Variants in LOXHD1 observed in about 807,000 individuals in gnomAD.
LOXHD1 encodes the protein lipoxygenase homology PLAT domains 1.
In LOXHD1, 205 loss-of-function variants were observed where a neutral mutation model predicts 248.2. That is an observed-to-expected ratio of 0.83 (90% CI 0.74 to 0.93). LOXHD1 has a LOEUF of 0.93. Ranked by LOEUF, LOXHD1 falls within the 40% of genes least tolerant of loss-of-function variation. The pLI is 0.00. For synonymous variants in LOXHD1, 1,113 were observed against 1,162.8 expected, an observed-to-expected ratio of 0.96 and a Z score of 0.87; for missense variants, 2,930 against 2,971.6, an observed-to-expected ratio of 0.99 and a Z score of 0.33.
At chr18:46,527,147 A>C (rs748696527) in intron 29 of LOXHD1, among the ~76,000 whole-genome samples, 1 of 152,056 alleles carries the variant, frequency 6.6e-6, no homozygotes, top group Non-Finnish European at 1.5e-5. Context: ...AAAAAAAAAA[A>C]ACGGAATCTG....
intron 18 of LOXHD1, among the ~76,000 whole-genome samples, chr18:46,562,459 C>G (rs1053692884): frequency 6.6e-6 from 1 of 152,240 alleles, no homozygotes; most frequent in Non-Finnish European, 1.5e-5. Context: ...TTGCCAACAC[C>G]ATGCCCACAT....
Position 46,639,604 on chromosome 18 carries a change from C to G in LOXHD1, c.511+12G>C. 1 of 1,548,532 alleles carries G rather than the reference C, an allele frequency of 6.5e-7. No individual in the cohort carries two copies. Among genetic ancestry groups the G allele is most frequent in the Non-Finnish European group, 8.7e-7 (1 of 1,144,964 alleles). On this transcript the variant is annotated intron_variant, in intron 4 of 40. Coordinates refer to ENST00000642948, the MANE Select transcript of LOXHD1 (RefSeq NM_001384474.1). ...AGGGAGGGATGGCAGGCAGGCCAGC[C>G]TAGGCACTGACCTCTGGGCATGTCC...
intron 24 of LOXHD1, 70 bp from the exon 25 acceptor site, chr18:46,542,010 G>T: frequency 7.0e-7 from 1 of 1,431,976 alleles, no homozygotes; most frequent in Non-Finnish European, 9.3e-7. Context: ...GTAACTTCAG[G>T]GACTCCTGAC....
chr18:46,513,013 G>T (rs1386391612), intron 34 of LOXHD1, among the ~76,000 whole-genome samples: 2 of 152,116 alleles, frequency 1.3e-5, no homozygotes, highest in Non-Finnish European at 2.9e-5. Context: ...CATTAGGTAT[G>T]AAATCCAGGT....
chr18:46,618,147 T>C, intron 5 of LOXHD1, 45 bp downstream of exon 5: 1 of 1,437,300 alleles, frequency 7.0e-7, no homozygotes, highest in Non-Finnish European at 9.6e-7. Flanking sequence ...ATCTACAAAA[T>C]AGTCCTGGGC....
intron 28 of LOXHD1, among the ~76,000 whole-genome samples, chr18:46,531,869 T>C (rs2036088193): frequency 6.6e-6 from 1 of 152,210 alleles, no homozygotes; most frequent in South Asian, 2.1e-4. Flanking sequence ...CCAGATTTAA[T>C]AGCAAAGACT....
intron 37 of LOXHD1, among the ~76,000 whole-genome samples, chr18:46,502,703 T>A (rs2034313367): frequency 6.6e-6 from 1 of 152,074 alleles, no homozygotes; most frequent in Non-Finnish European, 1.5e-5. Context: ...TAACACAGCA[T>A]CCTCAGTCTT....
chr18:46,588,241 G>C (rs934228801), intron 12 of LOXHD1, among the ~76,000 whole-genome samples: 2 of 152,036 alleles, frequency 1.3e-5, no homozygotes, highest in Non-Finnish European at 2.9e-5. Flanking sequence ...GGGCCATAAA[G>C]AGCAGTTGAG....
intron 21 of LOXHD1, chr18:46,555,458 G>T (rs1166374476): frequency 2.4e-5 from 4 of 167,010 alleles, no homozygotes; most frequent in East Asian, 1.7e-4. Context: ...GTGAGCTGTG[G>T]TTCAGTGTTC....
At chr18:46,550,300 A>G (rs4890332) in intron 21 of LOXHD1, among the ~76,000 whole-genome samples, 86,811 of 151,794 alleles carry the variant, frequency 0.57, 26,029 homozygotes, top group Non-Finnish European at 0.68. Flanking sequence ...TGGGCCGGGC[A>G]CGGTGGCTCA....
rs1338708911 is a variant in LOXHD1, at chr18:46,546,913, G to A, written c.3496C>T (p.Leu1166=). 1.3e-5 allele frequency: 20 copies of A among 1,550,858 alleles called. No homozygotes were observed. The highest frequency in any genetic ancestry group is 1.5e-5 in the Non-Finnish European group (17 of 1,146,378). The change falls in exon 22 of 41, where the codon CTG becomes TTG. Residue 1166 remains leucine (L), a synonymous_variant. Transcript: ENST00000642948. ...AGAAAACCTTTCTGCTCCAGGGCCA[G>A]GTTGTCGAGGGGGTTGTTGTCACCG... ...GGGDNNPLDN[L]ALEQKDKSTT...
intron 4 of LOXHD1, among the ~76,000 whole-genome samples, chr18:46,630,479 T>G (rs1012501381): frequency 1.3e-5 from 2 of 152,206 alleles, no homozygotes; most frequent in Non-Finnish European, 2.9e-5. Context: ...TGCTCATGCT[T>G]CCCTACCAGC....
At chr18:46,581,741 C>T (rs766145718) in intron 12 of LOXHD1, among the ~76,000 whole-genome samples, 2 of 152,168 alleles carry the variant, frequency 1.3e-5, no homozygotes, top group Admixed American at 6.5e-5. Flanking sequence ...AGATCTACAC[C>T]TAGACATATT....
chr18:46,544,752 C>T (rs577996734), intron 23 of LOXHD1: 1 of 466,508 alleles, frequency 2.1e-6, no homozygotes, highest in South Asian at 1.6e-5. Flanking sequence ...ATGCTCTCTA[C>T]CAGCACATTG....
rs2037387546 is a variant in LOXHD1, at chr18:46,557,418, T to C, written c.3288A>G (p.Thr1096=). 1 of 1,552,262 alleles carries C rather than the reference T, an allele frequency of 6.4e-7. No homozygotes were observed. Among genetic ancestry groups the C allele is most frequent in the Non-Finnish European group, 8.7e-7 (1 of 1,147,124 alleles). ...CCAGGAACCAGCCTGCTCTGTTGCC[T>C]GTGTTGTCGTGGCGAATCCGAATCT... ...LTKIRIRHDN[T]GNRAGWFLDR... is the part of the protein sequence containing the mutation. Residue 1096 remains threonine, a synonymous_variant, in exon 21 of 41, where the codon ACA becomes ACG. Coordinates refer to ENST00000642948, the MANE Select transcript of LOXHD1 (RefSeq NM_001384474.1).
chr18:46,487,585 G>T (rs564904196), intron 38 of LOXHD1, among the ~76,000 whole-genome samples: 1 of 152,204 alleles, frequency 6.6e-6, no homozygotes, highest in Non-Finnish European at 1.5e-5. Flanking sequence ...TCCTGGGCCT[G>T]CCCAATCAGA....
chr18:46,506,052 G>C, intron 36 of LOXHD1, 29 bp from the exon 37 acceptor site: 2 of 1,549,722 alleles, frequency 1.3e-6, no homozygotes, highest in Non-Finnish European at 8.7e-7. Flanking sequence ...GAGGCTTAGG[G>C]TGCCAGCCTC....
In LOXHD1 at chr18:46,633,148, C is replaced by G. The variant is rs527789220; in HGVS notation, c.511+6468G>C. On this transcript the variant is annotated intron_variant, in intron 4 of 40. Coordinates refer to ENST00000642948, the MANE Select transcript of LOXHD1 (RefSeq NM_001384474.1). ...GAATGCATTAAAAGAAGTGACCTATCAAGGGATCCTGAATAGCCAAAATAA... is the reference window on the plus strand; with the variant it reads ...GAATGCATTAAAAGAAGTGACCTATGAAGGGATCCTGAATAGCCAAAATAA... Among the ~76,000 whole-genome samples the G allele has an allele frequency of 3.0e-4, 45 of 152,302 alleles. 1 individual carries two copies. The highest frequency in any genetic ancestry group is 6.8e-3 in the Middle Eastern group (2 of 294).
intron 12 of LOXHD1, among the ~76,000 whole-genome samples, chr18:46,588,785 T>A (rs1751761465): frequency 6.6e-6 from 1 of 152,072 alleles, no homozygotes; most frequent in Admixed American, 6.6e-5. Context: ...CCACTGGAGG[T>A]CTGATTGTAG....
Sources: gnomAD v4.1 joint callset for allele counts (sites outside exome capture counted in the v4.1 genomes callset) on GRCh38, gnomAD v4.1.1 for gene constraint, MANE v1.5 for transcripts, NCBI Gene and HGNC (gene_info 2026-07-23, HGNC 2026-07-21) for gene names.